The following FSTL4 variants were observed in gnomAD, a reference collection of about 807,000 sequenced individuals.
FSTL4 encodes follistatin-related protein 4.
FSTL4 carries 28 observed loss-of-function variants against 78.2 expected under a neutral mutation model. That is an observed-to-expected ratio of 0.36 (90% confidence interval 0.27 to 0.49). The LOEUF is 0.49. FSTL4 is among the 20% of genes least tolerant of loss of function. The probability of loss-of-function intolerance (pLI) is 0.98; values close to 1 mark genes in which losing one functional copy is unlikely to be tolerated. For missense variants in FSTL4, 922 were observed against 1,084.9 expected (o/e 0.85, Z 2.11); for synonymous variants, 422 against 440.5 (o/e 0.96, Z 0.53).
the FSTL4 span, among the ~76,000 whole-genome samples, chr5:133,830,751 C>T: frequency 6.6e-6 from 1 of 152,192 alleles, no homozygotes; most frequent in African/African-American, 2.4e-5. Context: ...GAGTCCTCGT[C>T]AATTAGGTGA....
chr5:133,436,462 G>A (rs1352486450), intron 3 of FSTL4, among the ~76,000 whole-genome samples: 5 of 152,144 alleles, frequency 3.3e-5, no homozygotes, highest in Admixed American at 3.3e-4. Flanking sequence ...GGCTAGAAAG[G>A]TTAATAGGGT....
the FSTL4 span, among the ~76,000 whole-genome samples, chr5:133,668,459 C>G: frequency 6.6e-6 from 1 of 152,208 alleles, no homozygotes; most frequent in Admixed American, 6.5e-5. Flanking sequence ...AGTACCTTCT[C>G]AGATACCATA....
the FSTL4 span, among the ~76,000 whole-genome samples, chr5:133,830,444 C>G: frequency 6.6e-6 from 1 of 152,178 alleles, no homozygotes; most frequent in African/African-American, 2.4e-5. Context: ...CCATTGCCAA[C>G]AAGGGCACAG....
At chr5:133,749,847 T>C in the FSTL4 span, among the ~76,000 whole-genome samples, 2 of 152,288 alleles carry the variant, frequency 1.3e-5, no homozygotes, top group South Asian at 4.1e-4. Flanking sequence ...GCCTTAGAAA[T>C]GACTTGAGTA....
At chr5:133,719,440 C>A in the FSTL4 span, among the ~76,000 whole-genome samples, 5 of 152,044 alleles carry the variant, frequency 3.3e-5, no homozygotes, top group Non-Finnish European at 2.9e-5. Context: ...GAGGCCAAGG[C>A]AGGTGGATCA....
At chr5:133,824,433 G>A in the FSTL4 span, among the ~76,000 whole-genome samples, 1 of 152,198 alleles carries the variant, frequency 6.6e-6, no homozygotes, top group Non-Finnish European at 1.5e-5. Context: ...CTATTTAGGG[G>A]CCACCAGCCA....
the FSTL4 span, among the ~76,000 whole-genome samples, chr5:133,656,713 C>T: frequency 3.9e-5 from 6 of 152,048 alleles, no homozygotes; most frequent in African/African-American, 1.4e-4. Context: ...GATGTGTGTG[C>T]CTTGATAAGG....
chr5:133,790,627 C>G, the FSTL4 span, among the ~76,000 whole-genome samples: 1 of 152,300 alleles, frequency 6.6e-6, no homozygotes, highest in Non-Finnish European at 1.5e-5. Context: ...CATCTCCACA[C>G]AGATGTCAAC....
the FSTL4 span, among the ~76,000 whole-genome samples, chr5:133,699,056 G>C: frequency 2.6e-5 from 4 of 152,310 alleles, no homozygotes; most frequent in African/African-American, 9.6e-5. Context: ...GCAGTCAATG[G>C]TGTCCTGGAG....
At chr5:133,641,717 C>T in the FSTL4 span, among the ~76,000 whole-genome samples, 7 of 152,138 alleles carry the variant, frequency 4.6e-5, no homozygotes, top group Non-Finnish European at 1.0e-4. Context: ...TTGCTAATTA[C>T]AATATATGCA....
At chr5:133,756,439 T>C in the FSTL4 span, among the ~76,000 whole-genome samples, 1 of 151,734 alleles carries the variant, frequency 6.6e-6, no homozygotes, top group South Asian at 2.1e-4. Flanking sequence ...ACCCACATAT[T>C]AAGGGGTTCA....
intron 3 of FSTL4, among the ~76,000 whole-genome samples, chr5:133,486,337 G>C (rs952511695): frequency 1.3e-5 from 2 of 151,296 alleles, no homozygotes; most frequent in Non-Finnish European, 2.9e-5. Context: ...CTGAAGGAGA[G>C]TGATGAAGAG....
intron 4 of FSTL4, among the ~76,000 whole-genome samples, chr5:133,320,029 G>C (rs953927270): frequency 6.6e-6 from 1 of 152,114 alleles, no homozygotes; most frequent in Non-Finnish European, 1.5e-5. Context: ...TTTTGGGAAG[G>C]CTTTTGAGCC....
At chr5:133,339,787 T>C (rs529442560) in intron 4 of FSTL4, among the ~76,000 whole-genome samples, 49 of 152,216 alleles carry the variant, frequency 3.2e-4, no homozygotes, top group African/African-American at 1.1e-3. Context: ...ATCCAACCCC[T>C]TTGCCTAGGT....
chr5:133,423,609 G>C (rs990191383), intron 3 of FSTL4, among the ~76,000 whole-genome samples: 1 of 152,202 alleles, frequency 6.6e-6, no homozygotes, highest in African/African-American at 2.4e-5. Flanking sequence ...GGATGATGGC[G>C]GTGAGGCGGT....
At chr5:133,249,209 G>A (rs1196137304) in intron 7 of FSTL4, among the ~76,000 whole-genome samples, 1 of 152,230 alleles carries the variant, frequency 6.6e-6, no homozygotes, top group African/African-American at 2.4e-5. Flanking sequence ...GCCGGACATA[G>A]CATGGCCACC....
At chr5:133,214,361 G>A (rs1410596597) in intron 13 of FSTL4, among the ~76,000 whole-genome samples, 1 of 152,196 alleles carries the variant, frequency 6.6e-6, no homozygotes, top group Non-Finnish European at 1.5e-5. Flanking sequence ...CAAAGAGGCA[G>A]TTGGAACATG....
chr5:133,711,439 T>G, the FSTL4 span, among the ~76,000 whole-genome samples: 4 of 152,170 alleles, frequency 2.6e-5, no homozygotes, highest in African/African-American at 9.7e-5. Flanking sequence ...AGGTGGCCGC[T>G]GAAAGGGCCA....
chr5:133,742,963 GT>G, the FSTL4 span, among the ~76,000 whole-genome samples: 5 of 152,278 alleles, frequency 3.3e-5, no homozygotes, highest in East Asian at 9.6e-4. Flanking sequence ...GGGTGTGACT[GT>G]TTGTGGCTTT....
Sources: gnomAD v4.1 joint callset for allele counts (sites outside exome capture counted in the v4.1 genomes callset) on GRCh38, gnomAD v4.1.1 for gene constraint, MANE v1.5 for transcripts, NCBI Gene and HGNC (gene_info 2026-07-23, HGNC 2026-07-21) for gene names.